TRPC5: variants seen among roughly 807,000 people sequenced by gnomAD.
TRPC5 encodes the protein transient receptor potential cation channel subfamily C member 5.
TRPC5 carries 9 observed loss-of-function variants against 56.5 expected under a neutral mutation model. The ratio of observed to expected loss-of-function variants is 0.16; its 90% CI spans 0.10 to 0.28. TRPC5 has a LOEUF of 0.28. TRPC5 is among the 10% of genes least tolerant of loss of function. The probability of loss-of-function intolerance (pLI) is 1.00; values close to 1 mark genes in which losing one functional copy is unlikely to be tolerated. For missense variants in TRPC5, 469 were observed against 748.9 expected (o/e 0.63, Z 4.36); for synonymous variants, 282 against 278.5 (o/e 1.01, Z -0.13).
intron 3 of TRPC5, among the ~76,000 whole-genome samples, chrX:111,862,506 A>C (rs758116120): frequency 8.9e-6 from 1 of 112,298 alleles, no homozygotes; most frequent in Non-Finnish European, 1.9e-5. Context: ...CTGTTGTCAT[A>C]TCTAAGAAAT....
rs777494494 is a variant in TRPC5, at chrX:111,953,303, C to A, written c.-21-862G>T. Among the ~76,000 whole-genome samples the A allele has an allele frequency of 3.6e-5, 4 of 112,065 alleles. No homozygotes were observed. In the South Asian group the frequency reaches 1.5e-3, roughly 42 times the overall value. ...TGTTTTATTTGTATCATACCTAAATCCAGGTTATATTTAATAGAATTAGTT... is the reference window on the plus strand; with the variant it reads ...TGTTTTATTTGTATCATACCTAAATACAGGTTATATTTAATAGAATTAGTT... On this transcript the variant is annotated intron_variant, in intron 1 of 10. Transcript: ENST00000262839.
At chrX:111,816,798 T>G (rs1372754087) in intron 7 of TRPC5, among the ~76,000 whole-genome samples, 1 of 111,435 alleles carries the variant, frequency 9.0e-6, no homozygotes, top group East Asian at 2.8e-4. Context: ...TCTCCATTGT[T>G]ATGGAAGGAA....
intron 3 of TRPC5, among the ~76,000 whole-genome samples, chrX:111,857,848 T>A (rs1923284866): frequency 8.9e-6 from 1 of 112,659 alleles, no homozygotes; most frequent in Non-Finnish European, 1.9e-5. Flanking sequence ...CTTGATGACC[T>A]CATGTGACTT....
intron 1 of TRPC5, among the ~76,000 whole-genome samples, chrX:112,035,918 C>T (rs899685263): frequency 5.5e-5 from 6 of 109,294 alleles, no homozygotes; most frequent in African/African-American, 1.3e-4. Context: ...CGTGAGCTAT[C>T]GCGCCCGGCC....
chrX:111,817,868 A>T (rs2148568695), intron 7 of TRPC5, among the ~76,000 whole-genome samples: 1 of 111,586 alleles, frequency 9.0e-6, no homozygotes, highest in Non-Finnish European at 1.9e-5. Flanking sequence ...GAGTATCCTC[A>T]TAGAATTCAG....
At chrX:111,802,862 T>A (rs1268089980) in intron 7 of TRPC5, among the ~76,000 whole-genome samples, 1 of 111,391 alleles carries the variant, frequency 9.0e-6, no homozygotes, top group Non-Finnish European at 1.9e-5. Context: ...ATTCATTTAT[T>A]TATGTATTTT....
intron 1 of TRPC5, among the ~76,000 whole-genome samples, chrX:111,968,767 C>A (rs1439998569): frequency 3.3e-5 from 3 of 90,630 alleles, no homozygotes; most frequent in African/African-American, 1.3e-4. Flanking sequence ...TAGGTGGGAA[C>A]TGAACAATGA....
intron 1 of TRPC5, among the ~76,000 whole-genome samples, chrX:111,972,086 T>G (rs1927800959): frequency 9.0e-6 from 1 of 111,644 alleles, no homozygotes; most frequent in South Asian, 3.8e-4. Flanking sequence ...CTGCAAACTT[T>G]GGCTGCCTTT....
At position 111,876,894 on chromosome X, in the gene TRPC5, T is replaced by A. The variant is rs1485551792; in HGVS notation, c.901-22788A>T. 6.3e-5 allele frequency among the ~76,000 whole-genome samples: 7 copies of A among 111,863 alleles called. No homozygotes were observed. The East Asian group carries it at 2.0e-3, about 31-fold the overall frequency. On this transcript the variant is annotated intron_variant, in intron 3 of 10. Coordinates refer to ENST00000262839, the MANE Select transcript of TRPC5 (RefSeq NM_012471.3). ...CATATTAATACTCCGTGTATTTTAG[T>A]CATTCATAACAACATTTCTTAGGTG...
intron 1 of TRPC5, among the ~76,000 whole-genome samples, chrX:111,967,076 A>G (rs1341337235): frequency 9.0e-6 from 1 of 111,644 alleles, no homozygotes. Context: ...ATATCTAGAA[A>G]ACCCCATCAT....
chrX:111,784,857 C>A (rs138459259), intron 7 of TRPC5, among the ~76,000 whole-genome samples: 288 of 112,451 alleles, frequency 2.6e-3, no homozygotes, highest in African/African-American at 9.0e-3. Flanking sequence ...AGGCGGCAGC[C>A]TGGCTGGGGG....
chrX:112,031,983 G>T (rs1929599888), intron 1 of TRPC5, among the ~76,000 whole-genome samples: 1 of 110,045 alleles, frequency 9.1e-6, no homozygotes, highest in East Asian at 2.8e-4. Context: ...GAATGCATTT[G>T]CAAACTATAC....
intron 2 of TRPC5, among the ~76,000 whole-genome samples, chrX:111,920,358 G>A (rs1187413665): frequency 9.0e-6 from 1 of 111,361 alleles, no homozygotes; most frequent in Non-Finnish European, 1.9e-5. Context: ...GGGCAAAACT[G>A]TGACATATGG....
intron 7 of TRPC5, among the ~76,000 whole-genome samples, chrX:111,825,141 TCC>T (rs1922156645): frequency 1.3e-5 from 1 of 77,857 alleles, no homozygotes; most frequent in Non-Finnish European, 2.2e-5. Flanking sequence ...CTTCCTTCCT[TCC>T]TTCCTTTCTT....
intron 1 of TRPC5, among the ~76,000 whole-genome samples, chrX:112,041,808 G>T (rs959659854): frequency 1.8e-5 from 2 of 111,901 alleles, no homozygotes; most frequent in Non-Finnish European, 3.8e-5. Context: ...AGAAATCTCT[G>T]ATCTATTTTT....
At chrX:111,900,085 T>A (rs1925266565) in intron 3 of TRPC5, among the ~76,000 whole-genome samples, 1 of 111,617 alleles carries the variant, frequency 9.0e-6, no homozygotes, top group Non-Finnish European at 1.9e-5. Context: ...AAAGGCCCTG[T>A]GAAGACCAGC....
rs767234928 is a variant in TRPC5 at position 111,912,755 on chromosome X, T to A, written c.436A>T (p.Ile146Phe). Residue 146 changes from isoleucine to phenylalanine, a missense_variant, in exon 3 of 11, where the codon ATC becomes TTC. Physicochemically the swap from Ile to Phe is conservative, Grantham distance 21. Coordinates refer to ENST00000262839, the MANE Select transcript of TRPC5 (RefSeq NM_012471.3). Reference sequence around the variant, plus strand: ...TTGTTGGTGTGGGCAGCCAGCATGATGGGAGTGATGTCCGGTGTGAATTCA... The same window carrying A: ...TTGTTGGTGTGGGCAGCCAGCATGAAGGGAGTGATGTCCGGTGTGAATTCA... ...FSEFTPDITP[I>F]MLAAHTNNYE... 3 of 1,203,645 alleles carry A rather than the reference T, an allele frequency of 2.5e-6. No individual in the cohort carries two copies. Among genetic ancestry groups the A allele is most frequent in the Non-Finnish European group, 3.4e-6 (3 of 895,060 alleles).
At chrX:112,033,796 T>C (rs754097633) in intron 1 of TRPC5, among the ~76,000 whole-genome samples, 63 of 112,020 alleles carry the variant, frequency 5.6e-4, no homozygotes, top group African/African-American at 1.9e-3. Context: ...CCAGGCACAA[T>C]GGCATGTGCC....
At chrX:111,812,259 G>T (rs928721675) in intron 7 of TRPC5, among the ~76,000 whole-genome samples, 3 of 110,995 alleles carry the variant, frequency 2.7e-5, no homozygotes, top group Non-Finnish European at 5.7e-5. Flanking sequence ...GATACAGTAG[G>T]CCAAGTTATA....
Sources: allele counts gnomAD v4.1 joint callset (sites outside exome capture counted in the v4.1 genomes callset), GRCh38; gene constraint gnomAD v4.1.1; transcripts MANE v1.5; gene names NCBI Gene and HGNC (gene_info 2026-07-23, HGNC 2026-07-21).